ZNF844: variants seen among roughly 807,000 people sequenced by gnomAD.
The protein encoded by ZNF844 is zinc finger protein 844.
A neutral mutation model predicts 11.4 loss-of-function variants in ZNF844; 11 were observed. The ratio of observed to expected loss-of-function variants is 0.97; its 90% CI spans 0.61 to 1.60. The LOEUF (loss-of-function observed/expected upper bound fraction) is 1.60. Among genes scored for constraint, ZNF844 ranks in the 40% most tolerant of loss-of-function variants. ZNF844 has a pLI of 0.00. For missense variants in ZNF844, 790 were observed against 796.8 expected (o/e 0.99, Z 0.10); for synonymous variants, 248 against 260.3 (o/e 0.95, Z 0.46).
chr19:12,076,735 A>C lies in ZNF844; in HGVS notation c.1615A>C (p.Lys539Gln), dbSNP rs781034025. The C allele has an allele frequency of 1.9e-6, 3 of 1,608,902 alleles. No homozygotes were observed. Among genetic ancestry groups the C allele is most frequent in the Non-Finnish European group, 2.5e-6 (3 of 1,177,790 alleles). Residue 539 changes from lysine to glutamine, a missense_variant, in exon 4 of 4, where the codon AAA becomes CAA. Around this residue, in one of 3 missense-constraint regions of ZNF844, gnomAD observed 657 missense variants for 636.2 expected, o/e 1.03. Coordinates refer to ENST00000439326, the MANE Select transcript of ZNF844 (RefSeq NM_001136501.3). ...CTGTATGAATCTAAACAATGTGAAA[A>C]AACCTTTGGATCTGTCAGAAACCTT... ...SNCMNLNNVK[K>Q]PLDLSETFKF...
chr19:12,077,665 C>G lies in ZNF844; in HGVS notation c.*544C>G. ...AAGCAATGTGGGAAAGCCTACAGAT[C>G]TGTCTCACAACTTCTGGTGCATGAA... On this transcript the variant is annotated 3_prime_UTR_variant, in exon 4 of 4. Transcript: ENST00000439326. The G allele has an allele frequency of 1.7e-5, 9 of 521,230 alleles. No homozygotes were observed. Among genetic ancestry groups the G allele is most frequent in the South Asian group, 1.2e-4 (8 of 66,990 alleles). 32.3% of individuals were successfully genotyped at this position (521,230 alleles called of 1,614,324 possible).
Position 12,076,889 on chromosome 19 carries a change from G to A in ZNF844, c.1769G>A (p.Ser590Asn). ...TEDRMPMNVK[S>N]VTKHSYLPRS... is the part of the protein sequence containing the mutation. ...GACAGAATGCCTATGAATGTAAAGA[G>A]TGTGACAAAGCATTCATATCTGCCA... is the stretch of plus-strand genomic sequence containing the variant. Residue 590 changes from serine to asparagine, a missense_variant, in exon 4 of 4, where the codon AGT becomes AAT. Transcript: ENST00000439326. 6.4e-7 allele frequency: 1 copy of A among 1,572,990 alleles called. No individual in the cohort carries two copies.
intron 1 of ZNF844, among the ~76,000 whole-genome samples, chr19:12,066,618 C>G (rs1025471889): frequency 1.4e-5 from 2 of 145,716 alleles, no homozygotes; most frequent in African/African-American, 5.2e-5. Flanking sequence ...GCGATCTCGG[C>G]TCACTGCAAG....
At chr19:12,068,577 A>G (rs1254077528) in intron 1 of ZNF844, among the ~76,000 whole-genome samples, 2 of 152,208 alleles carry the variant, frequency 1.3e-5, no homozygotes, top group East Asian at 3.9e-4. Context: ...GGTTGTAGTG[A>G]GCCAAGATCG....
chr19:12,070,147 A>T (rs1467036050), intron 1 of ZNF844: 1 of 151,744 alleles, frequency 6.6e-6, no homozygotes, highest in African/African-American at 2.4e-5. Flanking sequence ...AAAAAAAAAA[A>T]AAAAAGAAAC....
At position 12,077,594 on chromosome 19, in the gene ZNF844, T is replaced by A; in HGVS notation, c.*473T>A. On this transcript the variant is annotated 3_prime_UTR_variant, in exon 4 of 4. Transcript: ENST00000439326. Reference sequence around the variant, plus strand: ...AAGCCTTCAGATCTGCCACTCAACTTCAGATGCATAGAAAGATTCACACTG... The same window carrying A: ...AAGCCTTCAGATCTGCCACTCAACTACAGATGCATAGAAAGATTCACACTG... 1.8e-6 allele frequency: 1 copy of A among 569,044 alleles called. No individual in the cohort carries two copies. Among genetic ancestry groups the A allele is most frequent in the Non-Finnish European group, 3.4e-6 (1 of 291,200 alleles). The allele number at this position is 569,044 out of a possible 1,614,324, so 35.2% of individuals were successfully genotyped here.
At position 12,075,362 on chromosome 19, in the gene ZNF844, G is replaced by A. The variant is rs1323707874; in HGVS notation, c.242G>A (p.Gly81Glu). Residue 81 changes from glycine (G) to glutamate (E), a missense_variant, in exon 4 of 4, where the codon GGA (glycine) becomes GAA (glutamate). Gly to Glu is a moderately conservative substitution (Grantham distance 98, BLOSUM62 -2). This residue lies in a region of ZNF844 where 129 missense variants were observed against 144.0 expected (regional missense o/e 0.90). Coordinates refer to ENST00000439326, the MANE Select transcript of ZNF844 (RefSeq NM_001136501.3). ...VDENTEENHC[G>E]ETSSQIPDDT... is the part of the protein sequence containing the mutation. ...GAAAATACAGAAGAAAATCATTGTG[G>A]AGAAACTTCTAGCCAGATTCCAGAT... 3.3e-6 allele frequency: 5 copies of A among 1,528,640 alleles called. No individual in the cohort carries two copies. In the South Asian group the frequency reaches 6.3e-5, roughly 19 times the overall value. 94.7% of individuals were successfully genotyped at this position (1,528,640 alleles called of 1,614,324 possible). A position where few individuals can be genotyped will look rare whatever the true frequency, so the allele number is the denominator to read the frequency against.
chr19:12,076,554 A>T lies in ZNF844; in HGVS notation c.1434A>T (p.Val478=). 6.2e-7 allele frequency: 1 copy of T among 1,609,762 alleles called. No homozygotes were observed. The highest frequency in any genetic ancestry group is 1.7e-4 in the Middle Eastern group (1 of 6,042). ...GLTLKRNPMN[V]SSVVKPSFFP... is the part of the protein sequence containing the mutation. ...CACTCAAGAGAAACCCTATGAATGT[A>T]AGCAGTGTGGTAAAGCCTTCATTTT... Residue 478 remains valine (V), a synonymous_variant, in exon 4 of 4, where the codon GTA becomes GTT. Coordinates refer to ENST00000439326, the MANE Select transcript of ZNF844 (RefSeq NM_001136501.3).
chr19:12,069,535 T>C (rs1244459858), intron 1 of ZNF844, among the ~76,000 whole-genome samples: 1 of 151,572 alleles, frequency 6.6e-6, no homozygotes, highest in African/African-American at 2.4e-5. Flanking sequence ...AGGGAGAAAG[T>C]ATAAGATCTG....
Position 12,076,906 on chromosome 19 carries a change from T to C in ZNF844, c.1786T>C (p.Tyr596His). The change falls in exon 4 of 4, where the codon TAT (tyrosine) becomes CAT (histidine). Residue 596 changes from tyrosine to histidine, a missense_variant. Physicochemically the swap from Tyr to His is moderately conservative, Grantham distance 83. This residue lies in a region of ZNF844 where 657 missense variants were observed against 636.2 expected (regional missense o/e 1.03). Transcript: ENST00000439326. ...MNVKSVTKHS[Y>H]LPRSFEYMQE... ...TGTAAAGAGTGTGACAAAGCATTCA[T>C]ATCTGCCAAGATCCTTCGAGTACAT... The C allele has an allele frequency of 6.3e-7, 1 of 1,585,066 alleles. No homozygotes were observed. The highest frequency in any genetic ancestry group is 8.6e-7 in the Non-Finnish European group (1 of 1,165,714).
intron 3 of ZNF844, among the ~76,000 whole-genome samples, 187 bp downstream of exon 3, chr19:12,074,608 C>T (rs1009033762): frequency 3.9e-5 from 6 of 152,192 alleles, no homozygotes; most frequent in Admixed American, 6.6e-5. Context: ...CCTGTAATTT[C>T]AACTGTTTGG....
Position 12,076,630 on chromosome 19 carries a change from A to G in ZNF844, c.1510A>G (p.Met504Val), listed in dbSNP as rs750846032. Residue 504 changes from methionine (M) to valine (V), a missense_variant, in exon 4 of 4, where the codon ATG becomes GTG. Coordinates refer to ENST00000439326, the MANE Select transcript of ZNF844 (RefSeq NM_001136501.3). ...AGGACTCACACTGGAGAGAAACCCT[A>G]TGAGTGTAAGCAATGTGGGAAAGCC... is the stretch of plus-strand genomic sequence containing the variant. ...MKGLTLERNP[M>V]SVSNVGKPSH... is the part of the protein sequence containing the mutation. 17 of 1,613,990 alleles carry G rather than the reference A, an allele frequency of 1.1e-5. No homozygotes were observed. Among genetic ancestry groups the G allele is most frequent in the South Asian group, 9.9e-5 (9 of 91,080 alleles).
chr19:12,068,023 A>G (rs1052821446), intron 1 of ZNF844, among the ~76,000 whole-genome samples: 3 of 151,792 alleles, frequency 2.0e-5, no homozygotes, highest in Non-Finnish European at 2.9e-5. Context: ...AGCCAGGCAT[A>G]GTGCCTCACA....
chr19:12,066,748 G>T (rs924771367), intron 1 of ZNF844, among the ~76,000 whole-genome samples: 1 of 151,374 alleles, frequency 6.6e-6, no homozygotes, highest in Non-Finnish European at 1.5e-5. Context: ...GGGTTTCAAC[G>T]TGTTAGCCAG....
Position 12,077,434 on chromosome 19 carries a change from A to G in ZNF844, c.*313A>G. 1 of 647,080 alleles carries G rather than the reference A, an allele frequency of 1.5e-6. No individual in the cohort carries two copies. Among genetic ancestry groups the G allele is most frequent in the South Asian group, 1.4e-5 (1 of 70,724 alleles). 40.1% of individuals were successfully genotyped at this position (647,080 alleles called of 1,614,324 possible). ...ATGTCTTCTACTGCATTTCAGTATCATGAAAAGACCCACACCAGAGAGAAA... is the reference window on the plus strand; with the variant it reads ...ATGTCTTCTACTGCATTTCAGTATCGTGAAAAGACCCACACCAGAGAGAAA... On this transcript the variant is annotated 3_prime_UTR_variant, in exon 4 of 4. Coordinates refer to ENST00000439326, the MANE Select transcript of ZNF844 (RefSeq NM_001136501.3).
Position 12,075,472 on chromosome 19 carries a change from C to G in ZNF844, c.352C>G (p.Leu118Val). 1 of 1,612,942 alleles carries G rather than the reference C, an allele frequency of 6.2e-7. No homozygotes were observed. Among genetic ancestry groups the G allele is most frequent in the Non-Finnish European group, 8.5e-7 (1 of 1,179,684 alleles). The change falls in exon 4 of 4, where the codon CTT becomes GTT. Residue 118 changes from leucine (L) to valine (V), a missense_variant. Coordinates refer to ENST00000439326, the MANE Select transcript of ZNF844 (RefSeq NM_001136501.3). Reference sequence around the variant, plus strand: ...AGAAGTCTTCGTGGGTCATTCTTCCCTTAATAGGCACATTAGAGCTGACAC... The same window carrying G: ...AGAAGTCTTCGTGGGTCATTCTTCCGTTAATAGGCACATTAGAGCTGACAC... The part of the protein sequence containing the change: ...CGEVFVGHSS[L>V]NRHIRADTAH...
chr19:12,069,657 A>C (rs1024625153), intron 1 of ZNF844, among the ~76,000 whole-genome samples: 9 of 151,574 alleles, frequency 5.9e-5, no homozygotes, highest in Non-Finnish European at 1.2e-4. Flanking sequence ...TTCATTCGTT[A>C]ATAATTTGTA....
chr19:12,074,287 G>A (rs7250239), intron 2 of ZNF844, 74 bp from the exon 3 acceptor site: 249,735 of 1,505,044 alleles, frequency 0.17, 30,625 homozygotes, highest in African/African-American at 0.65. Flanking sequence ...CTAATGTCCC[G>A]TGAACATAGA....
chr19:12,066,447 C>T (rs1257005155), intron 1 of ZNF844, among the ~76,000 whole-genome samples: 1 of 151,806 alleles, frequency 6.6e-6, no homozygotes, highest in African/African-American at 2.4e-5. Flanking sequence ...TCCCCCCGCC[C>T]CGACTCATGG....
Sources: gnomAD v4.1 joint callset for allele counts (sites outside exome capture counted in the v4.1 genomes callset) on GRCh38, gnomAD v4.1.1 for gene constraint, gnomAD v4.1.1 regional missense constraint, MANE v1.5 for transcripts, NCBI Gene and HGNC (gene_info 2026-07-23, HGNC 2026-07-21) for gene names.